The following IMPDH1 variants were observed in gnomAD, a reference collection of about 807,000 sequenced individuals.
The protein encoded by IMPDH1 is inosine-5'-monophosphate dehydrogenase 1.
Under a neutral mutation model 73.5 loss-of-function variants are expected in IMPDH1, and 41 were observed. The observed-to-expected ratio is 0.56, with a 90% confidence interval of 0.43 to 0.72. IMPDH1 has a LOEUF of 0.72. IMPDH1 is among the 30% of genes least tolerant of loss of function. The pLI, the probability that IMPDH1 is intolerant of heterozygous loss-of-function variation, is 0.00. For synonymous variants in IMPDH1, 318 were observed against 334.3 expected (o/e 0.95, Z 0.53); for missense variants, 645 against 824.8 (o/e 0.78, Z 2.67).
rs901494993 is a variant in IMPDH1 at position 128,394,222 on chromosome 7, C to T, written c.1778+56G>A. The T allele has an allele frequency of 2.1e-6, 3 of 1,451,698 alleles. No homozygotes were observed. The African/African-American group carries it at 4.2e-5, about 20-fold the overall frequency. The allele number at this position is 1,451,698 out of a possible 1,614,324, so 89.9% of individuals were successfully genotyped here. A position where few individuals can be genotyped will look rare whatever the true frequency, so the allele number is the denominator to read the frequency against. On this transcript the variant is annotated intron_variant, in intron 16 of 16. Transcript: ENST00000338791. This position sits in a 1 kb window ranked among gnomAD's most constrained non-coding sequence, Gnocchi z 5.5. ...CCTCAGCTTGACCTCAGAACCCTGG[C>T]CCCACCTGCCCAACCCACTGCCTCC...
chr7:128,409,890 T>C lies in IMPDH1; in HGVS notation c.12A>G (p.Pro4=), dbSNP rs978197671. The part of the protein sequence containing the change: MEG[P]LTPPPLQGGG... The stretch of plus-strand genomic sequence containing the variant: ...CTCCCTGCAGCGGTGGTGGAGTGAG[T>C]GGCCCCTCCATGCGGAGGCCGCAGC... The change falls in exon 1 of 17, where the codon CCA becomes CCG. Residue 4 remains proline, a synonymous_variant. Coordinates refer to ENST00000338791, the MANE Select transcript of IMPDH1 (RefSeq NM_000883.4). 5.6e-6 allele frequency: 8 copies of C among 1,438,418 alleles called. No individual in the cohort carries two copies. In the Admixed American group the frequency reaches 8.0e-5, roughly 14 times the overall value. 89.1% of individuals were successfully genotyped at this position (1,438,418 alleles called of 1,614,324 possible).
intron 9 of IMPDH1, among the ~76,000 whole-genome samples, chr7:128,399,599 A>G (rs62481099): frequency 0.14 from 21,419 of 149,112 alleles, 1,630 homozygotes; most frequent in South Asian, 0.22. Context: ...AGGCATGAGA[A>G]TTGCTTGAAC....
At chr7:128,393,184 G>C (rs1414038160) in intron 16 of IMPDH1, among the ~76,000 whole-genome samples, 156 bp from the exon 17 acceptor site, 2 of 152,226 alleles carry the variant, frequency 1.3e-5, no homozygotes, top group Non-Finnish European at 2.9e-5. Flanking sequence ...GCCTGGAGCA[G>C]GCCCTAGGCC....
At chr7:128,407,288 G>A (rs1000620411) in intron 3 of IMPDH1, among the ~76,000 whole-genome samples, 5 of 152,176 alleles carry the variant, frequency 3.3e-5, no homozygotes, top group African/African-American at 9.7e-5. Context: ...TCCAAGCCAC[G>A]AGGTTCCCTG....
Position 128,394,131 on chromosome 7 carries a change from G to C in IMPDH1, c.1778+147C>G. ...GAACAGGGGGCTGGGCCCCCGAAGA[G>C]AGGGTGAGGGGCCATCCTGCAGCAG... On this transcript the variant is annotated intron_variant, in intron 16 of 16. Transcript: ENST00000338791. This position sits in a 1 kb window ranked among gnomAD's most constrained non-coding sequence, Gnocchi z 5.5. 2 of 702,826 alleles carry C rather than the reference G, an allele frequency of 2.8e-6. No homozygotes were observed. Among genetic ancestry groups the C allele is most frequent in the Non-Finnish European group, 5.1e-6 (2 of 393,794 alleles). 43.5% of individuals were successfully genotyped at this position (702,826 alleles called of 1,614,324 possible). A position where few individuals can be genotyped will look rare whatever the true frequency, so the allele number is the denominator to read the frequency against.
At chr7:128,400,958 G>A in intron 6 of IMPDH1, 57 bp downstream of exon 6, 4 of 1,596,054 alleles carry the variant, frequency 2.5e-6, no homozygotes. Flanking sequence ...CCTCAGCACA[G>A]CCCACCATGG....
rs1293048611 is a variant in IMPDH1, at chr7:128,393,551, T to C, written c.1779-523A>G. ...GGGACACTGCTGGTTTCCTCCATCA[T>C]GGTGTTGGAGTTAGGGGGCCGGGGG... On this transcript the variant is annotated intron_variant, in intron 16 of 16. Coordinates refer to ENST00000338791, the MANE Select transcript of IMPDH1 (RefSeq NM_000883.4). Among the ~76,000 whole-genome samples, 4 of 152,092 alleles carry C rather than the reference T, an allele frequency of 2.6e-5. No homozygotes were observed. The East Asian group carries it at 7.7e-4, about 29-fold the overall frequency.
intron 10 of IMPDH1, among the ~76,000 whole-genome samples, chr7:128,397,396 G>A (rs1458792801): frequency 6.6e-6 from 1 of 152,200 alleles, no homozygotes; most frequent in Non-Finnish European, 1.5e-5. Flanking sequence ...ATCTGAAAAT[G>A]GAATGGCGAC....
At position 128,394,220 on chromosome 7, in the gene IMPDH1, G is replaced by T; in HGVS notation, c.1778+58C>A. ...AACCTCAGCTTGACCTCAGAACCCT[G>T]GCCCCACCTGCCCAACCCACTGCCT... On this transcript the variant is annotated intron_variant, in intron 16 of 16. Transcript: ENST00000338791. This position sits in a 1 kb window ranked among gnomAD's most constrained non-coding sequence, Gnocchi z 5.5. 7.0e-7 allele frequency: 1 copy of T among 1,429,642 alleles called. No individual in the cohort carries two copies. The highest frequency in any genetic ancestry group is 9.9e-7 in the Non-Finnish European group (1 of 1,014,060). 88.6% of individuals were successfully genotyped at this position (1,429,642 alleles called of 1,614,324 possible).
chr7:128,398,147 T>C lies in IMPDH1; in HGVS notation c.1074+267A>G, dbSNP rs775648518. Among the ~76,000 whole-genome samples the C allele has an allele frequency of 6.6e-6, 1 of 152,208 alleles. No individual in the cohort carries two copies. The highest frequency in any genetic ancestry group is 1.5e-5 in the Non-Finnish European group (1 of 68,036). On this transcript the variant is annotated intron_variant, in intron 10 of 16. Coordinates refer to ENST00000338791, the MANE Select transcript of IMPDH1 (RefSeq NM_000883.4). This position sits in a 1 kb window ranked among gnomAD's most constrained non-coding sequence, Gnocchi z 4.3. ...TTGTATCTCAGATGACACAAACCATTGTTTGTTTTTTGAGAAAGGGTCTCG... is the reference window on the plus strand; with the variant it reads ...TTGTATCTCAGATGACACAAACCATCGTTTGTTTTTTGAGAAAGGGTCTCG...
chr7:128,403,651 G>A (rs1798495397), intron 5 of IMPDH1, 55 bp downstream of exon 5: 1 of 1,512,098 alleles, frequency 6.6e-7, no homozygotes, highest in African/African-American at 1.4e-5. Context: ...CAAGAAGTCA[G>A]CCTCTTCCAC....
At position 128,396,553 on chromosome 7, in the gene IMPDH1, G is replaced by T; in HGVS notation, c.1261+47C>A. 1 of 1,353,598 alleles carries T rather than the reference G, an allele frequency of 7.4e-7. No individual in the cohort carries two copies. The highest frequency in any genetic ancestry group is 1.0e-6 in the Non-Finnish European group (1 of 968,202). 83.8% of individuals were successfully genotyped at this position (1,353,598 alleles called of 1,614,324 possible). ...CTTGATATACATCTGGGGAACAAAG[G>T]CGAGGCCCCGGGGCCAGCGGGCACT... On this transcript the variant is annotated intron_variant, in intron 12 of 16. Transcript: ENST00000338791. This position sits in a 1 kb window ranked among gnomAD's most constrained non-coding sequence, Gnocchi z 4.0.
Position 128,392,824 on chromosome 7 carries a change from C to A in IMPDH1, c.*183G>T. The A allele has an allele frequency of 1.6e-6, 1 of 634,474 alleles. No homozygotes were observed. Among genetic ancestry groups the A allele is most frequent in the Non-Finnish European group, 2.8e-6 (1 of 356,992 alleles). The allele number at this position is 634,474 out of a possible 1,614,324, so 39.3% of individuals were successfully genotyped here. ...AGCCTGGCCCCGGGAGCAGTCCTGACTCTGCAGGGGATGCCGAGTGAGGGG... is the reference window on the plus strand; with the variant it reads ...AGCCTGGCCCCGGGAGCAGTCCTGAATCTGCAGGGGATGCCGAGTGAGGGG... On this transcript the variant is annotated 3_prime_UTR_variant, in exon 17 of 17. Coordinates refer to ENST00000338791, the MANE Select transcript of IMPDH1 (RefSeq NM_000883.4).
intron 3 of IMPDH1, among the ~76,000 whole-genome samples, chr7:128,406,681 T>A (rs1391063913): frequency 2.6e-5 from 4 of 152,150 alleles, no homozygotes; most frequent in Non-Finnish European, 5.9e-5. Context: ...AGGCAAAATC[T>A]ATAGTTCGGA....
At position 128,401,027 on chromosome 7, in the gene IMPDH1, G is replaced by A. The variant is rs762299480; in HGVS notation, c.492C>T (p.Ala164=). Residue 164 remains alanine (A), a synonymous_variant, in exon 6 of 17, where the codon GCC becomes GCT. Coordinates refer to ENST00000338791, the MANE Select transcript of IMPDH1 (RefSeq NM_000883.4). ...GTGTGTAACTCACAGCCATGGCAAT[G>A]GCCATGTCAGCCTCTGTCACAGTGT... ...PMDTVTEADM[A]IAMALMGGIG... is the part of the protein sequence containing the mutation. 1 of 1,612,302 alleles carries A rather than the reference G, an allele frequency of 6.2e-7. No individual in the cohort carries two copies. The highest frequency in any genetic ancestry group is 8.5e-7 in the Non-Finnish European group (1 of 1,178,430).
Position 128,392,807 on chromosome 7 carries a change from C to A in IMPDH1, c.*200G>T. The A allele has an allele frequency of 1.7e-6, 1 of 584,894 alleles. No individual in the cohort carries two copies. Among genetic ancestry groups the A allele is most frequent in the Non-Finnish European group, 3.0e-6 (1 of 328,506 alleles). 36.2% of individuals were successfully genotyped at this position (584,894 alleles called of 1,614,324 possible). A position where few individuals can be genotyped will look rare whatever the true frequency, so the allele number is the denominator to read the frequency against. ...AGGGGGGCTCCCAGGGCAGCCTGGC[C>A]CCGGGAGCAGTCCTGACTCTGCAGG... On this transcript the variant is annotated 3_prime_UTR_variant, in exon 17 of 17. Coordinates refer to ENST00000338791, the MANE Select transcript of IMPDH1 (RefSeq NM_000883.4).
intron 3 of IMPDH1, among the ~76,000 whole-genome samples, chr7:128,406,301 A>T (rs1305075054): frequency 1.2e-4 from 1 of 8,112 alleles, no homozygotes; most frequent in Non-Finnish European, 3.0e-4. Flanking sequence ...CCACACCCCC[A>T]CACCCCCCAC....
In IMPDH1 at chr7:128,400,355, T is replaced by C; in HGVS notation, c.764A>G (p.Asp255Gly). ...TACCTCACTGAGGAGGGTGGTGTGG[T>C]CCTTCTCAGCAAGAAAGTCGATGTC... is the stretch of plus-strand genomic sequence containing the variant. ...SRDIDFLAEK[D>G]HTTLLSEVMT... The change falls in exon 8 of 17, where the codon GAC becomes GGC. Residue 255 changes from aspartate to glycine, a missense_variant. Asp to Gly is a moderately conservative substitution (Grantham distance 94, BLOSUM62 -1). Transcript: ENST00000338791. 1.2e-6 allele frequency: 2 copies of C among 1,613,388 alleles called. No homozygotes were observed. The highest frequency in any genetic ancestry group is 1.7e-6 in the Non-Finnish European group (2 of 1,179,696).
rs1798254254 is a variant in IMPDH1 at position 128,400,521 on chromosome 7, T to C, written c.598A>G (p.Ile200Val). Residue 200 changes from isoleucine to valine, a missense_variant, in exon 8 of 17, where the codon ATC becomes GTC. Around this residue, in one of 2 missense-constraint regions of IMPDH1, gnomAD observed 459 missense variants for 638.2 expected, o/e 0.72. Transcript: ENST00000338791. The part of the protein sequence containing the change: ...RKVKKFEQGF[I>V]TDPVVLSPSH... The stretch of plus-strand genomic sequence containing the variant: ...GGGCTCAGCACCACAGGGTCCGTGA[T>C]GAAGCCCTGTTCAAACTTCTGCGGG... 1.2e-6 allele frequency: 2 copies of C among 1,612,710 alleles called. No homozygotes were observed. Among genetic ancestry groups the C allele is most frequent in the African/African-American group, 1.3e-5 (1 of 74,924 alleles).
Sources: allele counts gnomAD v4.1 joint callset (sites outside exome capture counted in the v4.1 genomes callset), GRCh38; gene constraint gnomAD v4.1.1; regional missense constraint gnomAD v4.1.1; non-coding constraint Gnocchi (gnomAD v3.1); transcripts MANE v1.5; gene names NCBI Gene and HGNC (gene_info 2026-07-23, HGNC 2026-07-21).